LAMB3: variants seen among roughly 807,000 people sequenced by gnomAD.
LAMB3 encodes laminin subunit beta 3, also known as laminin subunit beta-3.
Under a neutral mutation model 140.3 loss-of-function variants are expected in LAMB3, and 104 were observed. The observed-to-expected ratio is 0.74, with a 90% confidence interval of 0.63 to 0.87. The LOEUF is 0.87. Among genes scored for constraint, LAMB3 ranks in the 40% least tolerant of loss-of-function variants. LAMB3 has a pLI of 0.00. For missense variants in LAMB3, 1,531 were observed against 1,575.2 expected (o/e 0.97, Z 0.47); for synonymous variants, 592 against 602.9 (o/e 0.98, Z 0.26).
In LAMB3 at chr1:209,615,122, ATC is replaced by A. The variant is rs1665902768; in HGVS notation, c.*147_*148del. The A allele has an allele frequency of 1.1e-6, 1 of 898,706 alleles. No homozygotes were observed. Among genetic ancestry groups the A allele is most frequent in the South Asian group, 1.6e-5 (1 of 63,512 alleles). The allele number at this position is 898,706 out of a possible 1,614,324, so 55.7% of individuals were successfully genotyped here. On this transcript the variant is annotated 3_prime_UTR_variant, in exon 23 of 23. Coordinates refer to ENST00000356082, the MANE Select transcript of LAMB3 (RefSeq NM_000228.3). ...TCAGGCTCAGCTGCAGCTCAGGGTA[ATC>A]TTACTAGCTACACACCAGGGGTGGT...
At chr1:209,641,322 G>A (rs935059859) in intron 3 of LAMB3, among the ~76,000 whole-genome samples, 2 of 152,088 alleles carry the variant, frequency 1.3e-5, no homozygotes, top group African/African-American at 4.8e-5. Flanking sequence ...CATGTGCAGT[G>A]GAGTCCTTGG....
At position 209,623,466 on chromosome 1, in the gene LAMB3, T is replaced by C. The variant is rs1571805762; in HGVS notation, c.2358+39A>G. 1.3e-6 allele frequency: 2 copies of C among 1,579,336 alleles called. No homozygotes were observed. The highest frequency in any genetic ancestry group is 1.1e-5 in the South Asian group (1 of 90,418). On this transcript the variant is annotated intron_variant, in intron 16 of 22. Coordinates refer to ENST00000356082, the MANE Select transcript of LAMB3 (RefSeq NM_000228.3). The surrounding 1 kb of genome is among the most constrained non-coding windows in gnomAD (Gnocchi z 4.2). ...GCAGTTGGTGTGTGACAAGCTGGGG[T>C]GTGGGCTCCAGGAAGTGGGACTCCA...
chr1:209,625,171 G>A (rs1385767857), intron 14 of LAMB3, among the ~76,000 whole-genome samples: 1 of 152,194 alleles, frequency 6.6e-6, no homozygotes, highest in Admixed American at 6.5e-5. Context: ...CTCAGGGAAT[G>A]CAAACTAATT....
In LAMB3 at chr1:209,638,479, G is replaced by A. The variant is rs112682845; in HGVS notation, c.298+55C>T. ...AAGGGTTATAGGGCACCTTCCATCC[G>A]TCTTATCCTGTGGAGGCTGTACAGT... On this transcript the variant is annotated intron_variant, in intron 4 of 22. Transcript: ENST00000356082. 1.3e-4 allele frequency: 149 copies of A among 1,176,770 alleles called. 4 individuals are homozygous for A. Among genetic ancestry groups the A allele is most frequent in the South Asian group, 1.3e-3 (104 of 82,614 alleles). 72.9% of individuals were successfully genotyped at this position (1,176,770 alleles called of 1,614,324 possible). A position where few individuals can be genotyped will look rare whatever the true frequency, so the allele number is the denominator to read the frequency against.
Position 209,632,555 on chromosome 1 carries a change from C to A in LAMB3, c.822+28G>T, listed in dbSNP as rs755231461. On this transcript the variant is annotated intron_variant, in intron 8 of 22. Transcript: ENST00000356082. ...AGTCTGCCCTGGTCCTGCCCCCTTC[C>A]TCTCCCCTTCCCACCCTAGGCTGTT... is the stretch of plus-strand genomic sequence containing the variant. The A allele has an allele frequency of 1.9e-6, 3 of 1,602,872 alleles. No individual in the cohort carries two copies. In the East Asian group the frequency reaches 6.7e-5, roughly 36 times the overall value.
chr1:209,649,554 T>C (rs541903902), intron 3 of LAMB3, among the ~76,000 whole-genome samples: 1 of 152,300 alleles, frequency 6.6e-6, no homozygotes, highest in South Asian at 2.1e-4. Flanking sequence ...ATGGCACAGC[T>C]CAGTTCCTGC....
chr1:209,622,593 C>T lies in LAMB3; in HGVS notation c.2644G>A (p.Glu882Lys), dbSNP rs773217655. Residue 882 changes from glutamate (E) to lysine (K), a missense_variant, in exon 18 of 23, where the codon GAG (glutamate) becomes AAG (lysine). By Grantham distance (56) the Glu-to-Lys change is moderately conservative (BLOSUM62 1). Transcript: ENST00000356082. ...AGCCGTGTGCGTCTGACATCTTCCT[C>T]CATCTGGGAGCGGCTGGCGCTCACC... Reference protein sequence around the residue: ...TQVSASRSQMEEDVRRTRLLI... With the variant: ...TQVSASRSQMKEDVRRTRLLI... The T allele has an allele frequency of 3.1e-6, 5 of 1,613,978 alleles. No individual in the cohort carries two copies. Among genetic ancestry groups the T allele is most frequent in the Non-Finnish European group, 4.2e-6 (5 of 1,180,012 alleles).
At chr1:209,619,516 C>T (rs999214547) in intron 18 of LAMB3, among the ~76,000 whole-genome samples, 3 of 152,218 alleles carry the variant, frequency 2.0e-5, no homozygotes, top group Non-Finnish European at 2.9e-5. Flanking sequence ...GCTCAGTTTC[C>T]TGATCGGTGA....
In LAMB3 at chr1:209,617,953, T is replaced by A; in HGVS notation, c.3005A>T (p.Gln1002Leu). 6.2e-7 allele frequency: 1 copy of A among 1,614,176 alleles called. No individual in the cohort carries two copies. The highest frequency in any genetic ancestry group is 8.5e-7 in the Non-Finnish European group (1 of 1,180,046). ...VALQEAQDTM[Q>L]GTSRSLRLIQ... ...AAGCCGAAGGGAGCGGCTGGTGCCT[T>A]GCATGGTGTCCTGAGCTTCCTGCAG... Residue 1002 changes from glutamine to leucine, a missense_variant, in exon 20 of 23, where the codon CAA becomes CTA. Physicochemically the swap from Gln to Leu is moderately radical, Grantham distance 113. Transcript: ENST00000356082.
At chr1:209,636,289 C>T (rs973432620) in intron 5 of LAMB3, among the ~76,000 whole-genome samples, 7 of 152,296 alleles carry the variant, frequency 4.6e-5, no homozygotes, top group East Asian at 1.9e-4. Context: ...TGGTGAACAG[C>T]GTCCCTGACT....
chr1:209,645,342 A>C (rs1226330618), intron 3 of LAMB3, among the ~76,000 whole-genome samples: 4 of 152,170 alleles, frequency 2.6e-5, no homozygotes, highest in Non-Finnish European at 5.9e-5. Flanking sequence ...GAACTCAGTA[A>C]TGCTTCATCC....
intron 3 of LAMB3, among the ~76,000 whole-genome samples, chr1:209,648,511 A>G (rs1400794323): frequency 6.7e-6 from 1 of 148,888 alleles, no homozygotes; most frequent in Admixed American, 6.7e-5. Flanking sequence ...CCAGGGTTGC[A>G]AAAGTCTAGA....
At chr1:209,649,837 CT>C in intron 3 of LAMB3, 126 bp downstream of exon 3, 1 of 1,067,026 alleles carries the variant, frequency 9.4e-7, no homozygotes, top group Non-Finnish European at 1.4e-6. Flanking sequence ...TTTTACTGCA[CT>C]CCCCAGTCCG....
chr1:209,650,517 C>G (rs969926692), intron 2 of LAMB3, among the ~76,000 whole-genome samples: 7 of 152,192 alleles, frequency 4.6e-5, no homozygotes, highest in Non-Finnish European at 8.8e-5. Flanking sequence ...TAAGAAAGGC[C>G]TGCATTTATT....
In LAMB3 at chr1:209,623,861, T is replaced by C; in HGVS notation, c.2116A>G (p.Ile706Val). The C allele has an allele frequency of 6.2e-7, 1 of 1,614,184 alleles. No homozygotes were observed. Among genetic ancestry groups the C allele is most frequent in the Non-Finnish European group, 8.5e-7 (1 of 1,180,022 alleles). The change falls in exon 15 of 23, where the codon ATA becomes GTA. Residue 706 changes from isoleucine (I) to valine (V), a missense_variant. Transcript: ENST00000356082. The surrounding 1 kb of genome is among the most constrained non-coding windows in gnomAD (Gnocchi z 4.2). The stretch of plus-strand genomic sequence containing the variant: ...TCACCTGAAGGATCAGCACTGCTTA[T>C]TTTTTCAAACTGCTCCCTCTTCCTC... ...YQRKREQFEK[I>V]SSADPSGAFR...
At chr1:209,632,541 G>T in intron 8 of LAMB3, 42 bp downstream of exon 8, 1 of 1,550,038 alleles carries the variant, frequency 6.5e-7, no homozygotes, top group Non-Finnish European at 8.9e-7. Flanking sequence ...GTCTGCCCTG[G>T]TCCTGCCCCC....
At chr1:209,638,466 G>A (rs761636426) in intron 4 of LAMB3, 68 bp downstream of exon 4, 20 of 1,028,730 alleles carry the variant, frequency 1.9e-5, no homozygotes, top group Non-Finnish European at 2.8e-5. Flanking sequence ...GGGTTATAGG[G>A]CACCTTCCAT....
chr1:209,623,947 G>GAC lies in LAMB3; in HGVS notation c.2028_2029dup (p.Ser677CysfsTer31). On this transcript the variant is annotated frameshift_variant, in exon 15 of 23. Transcript: ENST00000356082. LOFTEE classifies it high-confidence loss of function. The surrounding 1 kb of genome is among the most constrained non-coding windows in gnomAD (Gnocchi z 4.2). ...AAGACTCTCCAGGTCTCTCGGAAGG[G>GAC]ACAACGTCTCCTCCTCCAGGGGCAG... 6.2e-7 allele frequency: 1 copy of GAC among 1,614,136 alleles called. No homozygotes were observed. The highest frequency in any genetic ancestry group is 1.3e-5 in the African/African-American group (1 of 75,040).
chr1:209,625,939 G>A lies in LAMB3; in HGVS notation c.1685C>T (p.Pro562Leu), dbSNP rs1383342922. ...GCCTCGCTGGCACTGGTCACAGCGG[G>A]GCCCGGTCAAGCCAGGGCGGCAGAG... ...RCLCRPGLTG[P>L]RCDQCQRGYC... Residue 562 changes from proline to leucine, a missense_variant, in exon 14 of 23, where the codon CCC becomes CTC. By Grantham distance (98) the Pro-to-Leu change is moderately conservative. Transcript: ENST00000356082. The A allele has an allele frequency of 1.2e-6, 2 of 1,613,818 alleles. No homozygotes were observed.
Sources: allele counts gnomAD v4.1 joint callset (sites outside exome capture counted in the v4.1 genomes callset), GRCh38; gene constraint gnomAD v4.1.1; non-coding constraint Gnocchi (gnomAD v3.1); transcripts MANE v1.5; gene names NCBI Gene and HGNC (gene_info 2026-07-23, HGNC 2026-07-21).